Variants in ERC2 observed in about 807,000 individuals in gnomAD.
ERC2 encodes ELKS/RAB6-interacting/CAST family member 2.
ERC2 carries 42 observed loss-of-function variants against 114.8 expected under a neutral mutation model. That is an observed-to-expected ratio of 0.37 (90% CI 0.29 to 0.47). The LOEUF is 0.47. Ranked by LOEUF, ERC2 falls within the 20% of genes least tolerant of loss-of-function variation. The probability of loss-of-function intolerance (pLI) is 0.99; values close to 1 mark genes in which losing one functional copy is unlikely to be tolerated. For synonymous variants in ERC2, 454 were observed against 425.5 expected (o/e 1.07, Z -0.82); for missense variants, 939 against 1,150.7 (o/e 0.82, Z 2.66).
At chr3:55,950,637 A>G in intron 12 of ERC2, 77 bp from the exon 13 acceptor site, 4 of 1,517,712 alleles carry the variant, frequency 2.6e-6, no homozygotes, top group South Asian at 2.3e-5. Context: ...TTCAGGAAGT[A>G]CTAAGTATAG....
intron 8 of ERC2, 40 bp downstream of exon 8, chr3:56,018,854 C>T (rs768749107): frequency 3.3e-5 from 52 of 1,594,246 alleles, no homozygotes; most frequent in Non-Finnish European, 4.2e-5. Flanking sequence ...AACTCTGTTT[C>T]CCCATATCCT....
intron 2 of ERC2, among the ~76,000 whole-genome samples, chr3:56,379,646 G>C (rs558469373): frequency 4.1e-4 from 62 of 152,262 alleles, no homozygotes; most frequent in African/African-American, 1.5e-3. Context: ...CAACAAGAGG[G>C]AGTAAAAGAA....
chr3:56,273,170 A>G (rs560530619), intron 3 of ERC2, among the ~76,000 whole-genome samples: 1 of 151,462 alleles, frequency 6.6e-6, no homozygotes, highest in East Asian at 1.9e-4. Flanking sequence ...TGTTACCTGT[A>G]TTTGGGAAGT....
chr3:56,284,531 A>C (rs2054552578), intron 3 of ERC2, among the ~76,000 whole-genome samples: 1 of 152,184 alleles, frequency 6.6e-6, no homozygotes, highest in Admixed American at 6.5e-5. Context: ...ATTATTCCGA[A>C]GTTTGGTGGT....
intron 12 of ERC2, chr3:55,955,080 T>C (rs2067846719): frequency 4.2e-6 from 2 of 480,366 alleles, no homozygotes; most frequent in Non-Finnish European, 4.2e-6. Context: ...TCTGATCTTA[T>C]TTATGTTAAA....
chr3:55,626,017 C>T (rs2059509762), intron 17 of ERC2, among the ~76,000 whole-genome samples: 1 of 152,150 alleles, frequency 6.6e-6, no homozygotes, highest in South Asian at 2.1e-4. Context: ...ACTGAATGTA[C>T]GTCTGTTTTG....
At chr3:55,931,464 A>C (rs1281155022) in intron 13 of ERC2, among the ~76,000 whole-genome samples, 1 of 152,216 alleles carries the variant, frequency 6.6e-6, no homozygotes, top group Non-Finnish European at 1.5e-5. Flanking sequence ...GACATGGATG[A>C]AGCTGGAAAC....
chr3:56,230,733 T>C (rs2050565155), intron 3 of ERC2, among the ~76,000 whole-genome samples: 1 of 152,250 alleles, frequency 6.6e-6, no homozygotes, highest in East Asian at 1.9e-4. Context: ...GAAACATTTG[T>C]GCTTTTTGGA....
At chr3:55,972,223 T>C (rs974107579) in intron 12 of ERC2, among the ~76,000 whole-genome samples, 12 of 152,214 alleles carry the variant, frequency 7.9e-5, no homozygotes, top group African/African-American at 2.9e-4. Context: ...GGGAGAAACA[T>C]GGAGCTGGGA....
chr3:56,337,347 G>T (rs893621206), intron 2 of ERC2, among the ~76,000 whole-genome samples: 2 of 152,132 alleles, frequency 1.3e-5, no homozygotes, highest in Non-Finnish European at 2.9e-5. Flanking sequence ...CAGTATAGAG[G>T]TTAAGAACTC....
intron 16 of ERC2, among the ~76,000 whole-genome samples, chr3:55,693,640 G>T (rs936483060): frequency 2.0e-5 from 3 of 151,936 alleles, no homozygotes; most frequent in African/African-American, 7.3e-5. Context: ...TCACAAAACA[G>T]AAGAATGGAA....
chr3:56,394,785 G>A (rs1280712111), intron 2 of ERC2, among the ~76,000 whole-genome samples: 7 of 152,066 alleles, frequency 4.6e-5, no homozygotes, highest in African/African-American at 1.7e-4. Flanking sequence ...AAAGGGTGCA[G>A]CCCCTTTGGA....
chr3:56,130,995 TA>T (rs1175719922), intron 6 of ERC2, among the ~76,000 whole-genome samples: 26 of 152,094 alleles, frequency 1.7e-4, no homozygotes, highest in African/African-American at 6.0e-4. Context: ...CTACAGACAT[TA>T]GGGGAGGGGA....
Position 56,049,816 on chromosome 3 carries a change from ATATGTGTG to A in ERC2, c.1642-30793_1642-30786del, listed in dbSNP as rs891692747. On this transcript the variant is annotated intron_variant, in intron 7 of 17. Coordinates refer to ENST00000288221, the MANE Select transcript of ERC2 (RefSeq NM_015576.3). ...ATGCTACTTAATAAACTCCCATCATATATGTGTGTGTGTGTGTGTGTGTGTGTGTGTGT... is the reference window on the plus strand; with the variant it reads ...ATGCTACTTAATAAACTCCCATCATATGTGTGTGTGTGTGTGTGTGTGTGT... 8.6e-5 allele frequency among the ~76,000 whole-genome samples: 10 copies of A among 115,654 alleles called. 1 individual carries two copies. In the East Asian group the frequency reaches 1.9e-3, roughly 22 times the overall value. The allele number at this position is 115,654 out of a possible 152,430, so 75.9% of individuals were successfully genotyped here. A position where few individuals can be genotyped will look rare whatever the true frequency, so the allele number is the denominator to read the frequency against.
chr3:55,542,307 A>T (rs1054396783), intron 17 of ERC2, among the ~76,000 whole-genome samples: 1 of 152,202 alleles, frequency 6.6e-6, no homozygotes, highest in African/African-American at 2.4e-5. Context: ...CAAGATGGTA[A>T]ATACATCTCA....
At chr3:55,999,356 A>G (rs913347304) in intron 10 of ERC2, among the ~76,000 whole-genome samples, 2 of 152,152 alleles carry the variant, frequency 1.3e-5, no homozygotes, top group Admixed American at 6.6e-5. Context: ...TAGAGTGACT[A>G]AAGTAAAAGG....
At chr3:55,517,659 G>T (rs1219028743) in intron 17 of ERC2, among the ~76,000 whole-genome samples, 1 of 152,150 alleles carries the variant, frequency 6.6e-6, no homozygotes, top group Non-Finnish European at 1.5e-5. Flanking sequence ...CCTGCAAGAT[G>T]GTTCCCAGCG....
chr3:55,699,418 C>T lies in ERC2; in HGVS notation c.2807G>A (p.Gly936Glu). The T allele has an allele frequency of 1.2e-6, 2 of 1,613,680 alleles. No individual in the cohort carries two copies. The highest frequency in any genetic ancestry group is 1.7e-6 in the Non-Finnish European group (2 of 1,179,792). The change falls in exon 16 of 18, where the codon GGG becomes GAG. Residue 936 changes from glycine to glutamate, a missense_variant. Coordinates refer to ENST00000288221, the MANE Select transcript of ERC2 (RefSeq NM_015576.3). Reference sequence around the variant, plus strand: ...CCTGTGATTGGAATGTTGCGACCTCCCAGGAGATCGATGGTGGTGGTGATG... The same window carrying T: ...CCTGTGATTGGAATGTTGCGACCTCTCAGGAGATCGATGGTGGTGGTGATG... ...HHHHHHHRSP[G>E]RSQHSNHRPS...
intron 13 of ERC2, among the ~76,000 whole-genome samples, chr3:55,889,947 C>G (rs1017909303): frequency 6.6e-6 from 1 of 152,022 alleles, no homozygotes; most frequent in African/African-American, 2.4e-5. Context: ...TTCAGAAAAC[C>G]CTTCATTTTG....
Sources: allele counts gnomAD v4.1 joint callset (sites outside exome capture counted in the v4.1 genomes callset), GRCh38; gene constraint gnomAD v4.1.1; transcripts MANE v1.5; gene names NCBI Gene and HGNC (gene_info 2026-07-23, HGNC 2026-07-21).